GPHN: variants seen among roughly 807,000 people sequenced by gnomAD.
GPHN encodes gephyrin.
A neutral mutation model predicts 95.5 loss-of-function variants in GPHN; 17 were observed. That is an observed-to-expected ratio of 0.18 (90% CI 0.12 to 0.27). The LOEUF is 0.27. Ranked by LOEUF, GPHN falls within the 10% of genes least tolerant of loss-of-function variation. The pLI is 1.00. For missense variants in GPHN, 660 were observed against 978.1 expected (o/e 0.67, Z 4.34); for synonymous variants, 320 against 322.5 (o/e 0.99, Z 0.08).
chr14:66,558,475 A>G (rs1484902187), intron 1 of GPHN, among the ~76,000 whole-genome samples: 1 of 152,142 alleles, frequency 6.6e-6, no homozygotes, highest in Admixed American at 6.6e-5. Flanking sequence ...TGATTTTACT[A>G]TCTGTATCTT....
chr14:67,631,430 CTTTCT>C, the GPHN span, among the ~76,000 whole-genome samples: 3 of 128,482 alleles, frequency 2.3e-5, no homozygotes, highest in African/African-American at 3.3e-5. Flanking sequence ...TCCTTTCTTT[CTTTCT>C]TTTTTTTTTT....
chr14:67,157,319 A>G (rs1455439556), intron 18 of GPHN, among the ~76,000 whole-genome samples: 4 of 152,200 alleles, frequency 2.6e-5, no homozygotes, highest in African/African-American at 9.7e-5. Context: ...TGTAAGTAAC[A>G]TTTGCAAATT....
the GPHN span, among the ~76,000 whole-genome samples, chr14:67,654,978 G>A: frequency 5.9e-5 from 8 of 136,158 alleles, no homozygotes; most frequent in Admixed American, 6.6e-4. Flanking sequence ...GCAGCGAGCC[G>A]AGATTGCGCC....
At chr14:67,548,352 C>A in the GPHN span, among the ~76,000 whole-genome samples, 35 of 152,116 alleles carry the variant, frequency 2.3e-4, no homozygotes, top group Non-Finnish European at 4.9e-4. Flanking sequence ...CAAGGTTTTT[C>A]TTTACTCCCT....
chr14:67,575,260 T>G, the GPHN span: 2 of 609,276 alleles, frequency 3.3e-6, no homozygotes, highest in East Asian at 2.9e-5. Context: ...GTTCCATTAG[T>G]AGGGAGCCCA....
At chr14:67,420,337 GGAT>G in the GPHN span, among the ~76,000 whole-genome samples, 3 of 152,194 alleles carry the variant, frequency 2.0e-5, no homozygotes, top group Non-Finnish European at 4.4e-5. Context: ...TTTGCTAGGG[GGAT>G]TAAAAGAGGG....
chr14:66,958,457 C>G (rs917201816), intron 8 of GPHN, among the ~76,000 whole-genome samples: 11 of 152,158 alleles, frequency 7.2e-5, no homozygotes, highest in African/African-American at 2.7e-4. Flanking sequence ...ATGCATTGTT[C>G]AGTGATTTTG....
intron 9 of GPHN, among the ~76,000 whole-genome samples, chr14:66,977,247 C>T (rs1329373276): frequency 1.3e-5 from 2 of 151,962 alleles, no homozygotes; most frequent in Non-Finnish European, 2.9e-5. Flanking sequence ...CTGACTAACA[C>T]GGAGAAACCC....
the GPHN span, among the ~76,000 whole-genome samples, chr14:67,258,091 A>C: frequency 6.6e-6 from 1 of 151,926 alleles, no homozygotes; most frequent in Admixed American, 6.6e-5. Flanking sequence ...CTAGTATTTA[A>C]ATATTCAAAT....
At chr14:67,710,066 G>C in the GPHN span, among the ~76,000 whole-genome samples, 1 of 152,284 alleles carries the variant, frequency 6.6e-6, no homozygotes, top group Non-Finnish European at 1.5e-5. Flanking sequence ...GAGTCTTCCT[G>C]CCTTTGTTTT....
the GPHN span, among the ~76,000 whole-genome samples, chr14:67,469,765 G>A: frequency 0.59 from 89,516 of 152,032 alleles, 28,701 homozygotes; most frequent in African/African-American, 0.86. Flanking sequence ...GGGCTGCCAG[G>A]GAGGAGTGCA....
At chr14:67,255,776 C>T in the GPHN span, among the ~76,000 whole-genome samples, 1 of 152,178 alleles carries the variant, frequency 6.6e-6, no homozygotes, top group African/African-American at 2.4e-5. Flanking sequence ...TGCCCCTACC[C>T]ACCGGGGTTC....
At chr14:67,655,765 T>A in the GPHN span, among the ~76,000 whole-genome samples, 3 of 152,232 alleles carry the variant, frequency 2.0e-5, no homozygotes, top group African/African-American at 7.2e-5. Context: ...CCTTTTGACA[T>A]ATTATTTCTC....
At chr14:66,651,854 G>C (rs919388325) in intron 1 of GPHN, among the ~76,000 whole-genome samples, 2 of 151,782 alleles carry the variant, frequency 1.3e-5, no homozygotes, top group African/African-American at 4.8e-5. Flanking sequence ...GGACCATCTA[G>C]TTGCAGGAAA....
At chr14:67,432,425 C>G in the GPHN span, among the ~76,000 whole-genome samples, 2,924 of 152,346 alleles carry the variant, frequency 0.019, 98 homozygotes, top group African/African-American at 0.067. Context: ...CAAAGAGAGA[C>G]TTGCAGTTGG....
intron 12 of GPHN, 139 bp downstream of exon 12, chr14:67,089,214 C>T: frequency 1.8e-6 from 1 of 564,268 alleles, no homozygotes; most frequent in Admixed American, 3.2e-5. Context: ...TTCCCCATGA[C>T]TGTCAAAATA....
At chr14:66,653,686 C>T (rs1161140909) in intron 1 of GPHN, among the ~76,000 whole-genome samples, 7 of 152,224 alleles carry the variant, frequency 4.6e-5, no homozygotes, top group Non-Finnish European at 1.0e-4. Flanking sequence ...AATCACACCA[C>T]ATGTAATCTT....
chr14:67,368,923 A>G, the GPHN span, among the ~76,000 whole-genome samples: 1 of 152,232 alleles, frequency 6.6e-6, no homozygotes, highest in Non-Finnish European at 1.5e-5. Flanking sequence ...ATGGAATTCT[A>G]GAAAACATTA....
At position 67,181,547 on chromosome 14, in the gene GPHN, CT is replaced by C. The variant is rs1364600300; in HGVS notation, c.*614del. ...GTACTCTTGGGCAGTAACTGGACAC[CT>C]TTTATTTGAAGAAACAAACTGAAGA... On this transcript the variant is annotated 3_prime_UTR_variant, in exon 23 of 23. Coordinates refer to ENST00000478722, the MANE Select transcript of GPHN (RefSeq NM_020806.5). The C allele has an allele frequency of 6.3e-6, 3 of 475,486 alleles. No homozygotes were observed. The highest frequency in any genetic ancestry group is 4.0e-6 in the Non-Finnish European group (1 of 248,162). The allele number at this position is 475,486 out of a possible 1,614,324, so 29.5% of individuals were successfully genotyped here. A position where few individuals can be genotyped will look rare whatever the true frequency, so the allele number is the denominator to read the frequency against.
Sources: gnomAD v4.1 joint callset for allele counts (sites outside exome capture counted in the v4.1 genomes callset) on GRCh38, gnomAD v4.1.1 for gene constraint, MANE v1.5 for transcripts, NCBI Gene and HGNC (gene_info 2026-07-23, HGNC 2026-07-21) for gene names.